TRMT2B: variants seen among roughly 807,000 people sequenced by gnomAD.
TRMT2B encodes the protein tRNA methyltransferase 2B, also known as tRNA (uracil-5-)-methyltransferase homolog B.
In TRMT2B, 34 loss-of-function variants were observed where a neutral mutation model predicts 39.7. That is an observed-to-expected ratio of 0.86 (90% CI 0.65 to 1.14). The LOEUF (loss-of-function observed/expected upper bound fraction) is 1.14. Ranked by LOEUF, TRMT2B falls within the 50% of genes most tolerant of loss-of-function variation. TRMT2B has a pLI of 0.00. For missense variants in TRMT2B, 318 were observed against 377.2 expected, an observed-to-expected ratio of 0.84 and a Z score of 1.30; for synonymous variants, 132 against 137.3, an observed-to-expected ratio of 0.96 and a Z score of 0.27.
At chrX:100,975,176 G>A in the TRMT2B span, among the ~76,000 whole-genome samples, 9 of 112,010 alleles carry the variant, frequency 8.0e-5, no homozygotes, top group South Asian at 3.7e-4. Flanking sequence ...GTTGGTCCCT[G>A]AGTCCTCCTC....
At chrX:101,045,179 G>A (rs949829067) in intron 2 of TRMT2B, among the ~76,000 whole-genome samples, 10 of 110,434 alleles carry the variant, frequency 9.1e-5, no homozygotes, top group African/African-American at 3.0e-4. Context: ...AGGGGGCTGG[G>A]CGCAGTGGCT....
At chrX:100,980,501 G>A in the TRMT2B span, among the ~76,000 whole-genome samples, 3 of 110,498 alleles carry the variant, frequency 2.7e-5, no homozygotes, top group Admixed American at 2.9e-4. Flanking sequence ...TTCCTTTCTG[G>A]CCCAAGATGA....
chrX:101,008,985 C>A (rs1376667961), downstream of TRMT2B, among the ~76,000 whole-genome samples: 3 of 111,676 alleles, frequency 2.7e-5, no homozygotes, highest in Non-Finnish European at 5.6e-5. Flanking sequence ...CCATGTAGTC[C>A]TATGTGGCAT....
chrX:100,974,226 C>T, the TRMT2B span: 9 of 1,076,379 alleles, frequency 8.4e-6, no homozygotes, highest in Middle Eastern at 2.4e-4. Context: ...TAGATACTGG[C>T]GTGGGTCTCC....
chrX:100,991,722 G>C, the TRMT2B span, among the ~76,000 whole-genome samples: 1 of 111,753 alleles, frequency 8.9e-6, no homozygotes, highest in Non-Finnish European at 1.9e-5. Flanking sequence ...AACAACCCTT[G>C]GGGGTAAGCA....
the TRMT2B span, among the ~76,000 whole-genome samples, chrX:100,999,747 A>G: frequency 8.9e-6 from 1 of 112,259 alleles, no homozygotes; most frequent in Non-Finnish European, 1.9e-5. Context: ...CCCTTATCAG[A>G]GGATCATAAC....
At chrX:100,973,432 C>T in the TRMT2B span, among the ~76,000 whole-genome samples, 9 of 106,420 alleles carry the variant, frequency 8.5e-5, no homozygotes, top group East Asian at 3.1e-4. Flanking sequence ...GGGCGGCGCT[C>T]GCCGGCGCGG....
At chrX:101,013,153 T>C (rs1011389056) in intron 13 of TRMT2B, among the ~76,000 whole-genome samples, 3 of 107,184 alleles carry the variant, frequency 2.8e-5, no homozygotes, top group African/African-American at 1.0e-4. Context: ...ACCAACATCA[T>C]ATATTCAGTC....
chrX:101,041,406 T>C (rs757912583), intron 3 of TRMT2B, 35 bp from the exon 4 acceptor site: 2 of 1,137,866 alleles, frequency 1.8e-6, no homozygotes. Flanking sequence ...TCTTTAATTA[T>C]ATAAATATGT....
chrX:101,031,395 GACACTTCAA>G (rs1431339970), intron 7 of TRMT2B, among the ~76,000 whole-genome samples: 1 of 112,327 alleles, frequency 8.9e-6, no homozygotes, highest in African/African-American at 3.2e-5. Flanking sequence ...GAAGAAAGCA[GACACTTCAA>G]ACAGGAAAAA....
intron 7 of TRMT2B, among the ~76,000 whole-genome samples, chrX:101,033,552 G>A (rs762388264): frequency 1.5e-3 from 170 of 109,762 alleles, no homozygotes; most frequent in Middle Eastern, 4.6e-3. Context: ...CCAAGATCTC[G>A]CCACTGCACT....
intron 7 of TRMT2B, among the ~76,000 whole-genome samples, chrX:101,024,950 T>A (rs751161942): frequency 4.5e-4 from 49 of 107,863 alleles, no homozygotes; most frequent in African/African-American, 1.7e-3. Context: ...TGAGCCGAGA[T>A]CTTACCACTG....
chrX:100,977,652 A>ATT, the TRMT2B span, among the ~76,000 whole-genome samples: 13 of 111,588 alleles, frequency 1.2e-4, no homozygotes, highest in African/African-American at 4.2e-4. Flanking sequence ...AAGTGCTGGG[A>ATT]TTATAGGCAT....
Position 101,021,159 on chromosome X carries a change from C to G in TRMT2B, c.1008G>C (p.Val336=), listed in dbSNP as rs368508856. 4.1e-6 allele frequency: 5 copies of G among 1,209,627 alleles called. No homozygotes were observed. Among genetic ancestry groups the G allele is most frequent in the African/African-American group, 3.5e-5 (2 of 57,111 alleles). The change falls in exon 10 of 14, where the codon GTG becomes GTC. Residue 336 remains valine (V), a synonymous_variant. Transcript: ENST00000372936. Reference sequence around the variant, plus strand: ...CAGAGTTCACTCCAGTCAGCTCCCCCACAGTCCGATACAGCATCTCTGCAC... The same window carrying G: ...CAGAGTTCACTCCAGTCAGCTCCCCGACAGTCCGATACAGCATCTCTGCAC... ...TAGAEMLYRT[V]GELTGVNSDT... is the part of the protein sequence containing the mutation.
intron 13 of TRMT2B, among the ~76,000 whole-genome samples, chrX:101,011,964 TATG>T (rs1229707533): frequency 8.9e-6 from 1 of 111,770 alleles, no homozygotes; most frequent in Non-Finnish European, 1.9e-5. Flanking sequence ...TGTCATCTCC[TATG>T]ATAACAATGC....
At chrX:100,996,369 G>A in the TRMT2B span, among the ~76,000 whole-genome samples, 1 of 111,878 alleles carries the variant, frequency 8.9e-6, no homozygotes, top group African/African-American at 3.3e-5. Context: ...ACAGTAGGGT[G>A]ACTATAGTTA....
intron 13 of TRMT2B, among the ~76,000 whole-genome samples, chrX:101,013,479 C>A (rs958984071): frequency 9.0e-6 from 1 of 110,618 alleles, no homozygotes; most frequent in Admixed American, 9.7e-5. Context: ...AGGCTGGGTG[C>A]GGTGGCTCAC....
chrX:101,038,371 C>CAAAAAAAAAAAAAAAAA (rs57481304), intron 4 of TRMT2B, among the ~76,000 whole-genome samples: 1 of 35,207 alleles, frequency 2.8e-5, no homozygotes, highest in Non-Finnish European at 5.3e-5. Context: ...AACTCCGTCT[C>CAAAAAAAAAAAAAAAAA]AAAAAAAAAA....
chrX:100,996,779 GC>G, the TRMT2B span, among the ~76,000 whole-genome samples: 1 of 110,165 alleles, frequency 9.1e-6, no homozygotes, highest in African/African-American at 3.3e-5. Context: ...AGGCATGTTG[GC>G]ACATGCCTGT....
Sources: gnomAD v4.1 joint callset for allele counts (sites outside exome capture counted in the v4.1 genomes callset) on GRCh38, gnomAD v4.1.1 for gene constraint, MANE v1.5 for transcripts, NCBI Gene and HGNC (gene_info 2026-07-23, HGNC 2026-07-21) for gene names.